The following PIAS4 variants were observed in gnomAD, a reference collection of about 807,000 sequenced individuals.
PIAS4 encodes protein inhibitor of activated STAT 4.
PIAS4 carries 7 observed loss-of-function variants against 58.0 expected under a neutral mutation model. The observed-to-expected ratio is 0.12, with a 90% CI of 0.07 to 0.23. The LOEUF (loss-of-function observed/expected upper bound fraction) is 0.23. Ranked by LOEUF, PIAS4 falls within the 10% of genes least tolerant of loss-of-function variation. The pLI is 1.00. For missense variants in PIAS4, 550 were observed against 709.5 expected (o/e 0.78, Z 2.55); for synonymous variants, 364 against 312.4 (o/e 1.17, Z -1.74).
At chr19:4,026,721 C>T (rs531407862) in intron 3 of PIAS4, among the ~76,000 whole-genome samples, 7 of 152,096 alleles carry the variant, frequency 4.6e-5, no homozygotes, top group Non-Finnish European at 1.0e-4. Flanking sequence ...CTCACTCTGT[C>T]GCCCAGGCTG....
intron 9 of PIAS4, among the ~76,000 whole-genome samples, chr19:4,036,572 T>C (rs1422319039): frequency 1.4e-5 from 2 of 138,944 alleles, no homozygotes; most frequent in Non-Finnish European, 3.0e-5. Flanking sequence ...CCGTCACACA[T>C]CCATACAGTC....
At chr19:4,011,634 G>A (rs899097711) in intron 1 of PIAS4, among the ~76,000 whole-genome samples, 1 of 151,904 alleles carries the variant, frequency 6.6e-6, no homozygotes, top group Non-Finnish European at 1.5e-5. Flanking sequence ...ACGTGTGGAG[G>A]TGTGTTTGGT....
chr19:4,037,950 G>A lies in PIAS4; in HGVS notation c.*75G>A. ...GGGCCAGCCTCGGGCGCAGAGGGAG[G>A]AGTGACCTTTCTTTTTCTTTTTATT... On this transcript the variant is annotated 3_prime_UTR_variant, in exon 11 of 11. Coordinates refer to ENST00000262971, the MANE Select transcript of PIAS4 (RefSeq NM_015897.4). The surrounding 1 kb of genome is among the most constrained non-coding windows in gnomAD (Gnocchi z 5.8). 1.4e-6 allele frequency: 2 copies of A among 1,429,588 alleles called. No individual in the cohort carries two copies. Among genetic ancestry groups the A allele is most frequent in the African/African-American group, 1.4e-5 (1 of 69,126 alleles). The allele number at this position is 1,429,588 out of a possible 1,614,324, so 88.6% of individuals were successfully genotyped here. A position where few individuals can be genotyped will look rare whatever the true frequency, so the allele number is the denominator to read the frequency against.
chr19:4,029,587 GA>G (rs745750933), intron 7 of PIAS4, among the ~76,000 whole-genome samples: 90 of 151,870 alleles, frequency 5.9e-4, no homozygotes, highest in South Asian at 2.1e-3. Flanking sequence ...GGGTCTCTGG[GA>G]GGTAGAGGTT....
intron 9 of PIAS4, 66 bp downstream of exon 9, chr19:4,033,646 G>C: frequency 8.3e-6 from 11 of 1,321,440 alleles, no homozygotes; most frequent in Non-Finnish European, 1.1e-5. Context: ...GTGGCACCCC[G>C]CTTCCTGCAG....
At chr19:4,028,622 G>A (rs755314108) in intron 5 of PIAS4, 22 bp downstream of exon 5, 39 of 1,611,246 alleles carry the variant, frequency 2.4e-5, no homozygotes, top group South Asian at 1.8e-4. Context: ...CCGCCCCCGC[G>A]TCGGCTGCAC....
intron 7 of PIAS4, among the ~76,000 whole-genome samples, chr19:4,029,563 T>A (rs2040202672): frequency 6.6e-6 from 1 of 151,860 alleles, no homozygotes; most frequent in Non-Finnish European, 1.5e-5. Context: ...TTTTCTTTTT[T>A]TTTTAGAGAG....
Position 4,028,856 on chromosome 19 carries a change from C to T in PIAS4, c.801+8C>T, listed in dbSNP as rs765842240. On this transcript the variant is annotated splice_region_variant and intron_variant, in intron 6 of 10. Coordinates refer to ENST00000262971, the MANE Select transcript of PIAS4 (RefSeq NM_015897.4). ...TGGGGGAACTACGGCAAGGTGAGTG[C>T]GTGCCCGGGTGCCCACCCTGCCCCC... 2.2e-5 allele frequency: 35 copies of T among 1,613,164 alleles called. No individual in the cohort carries two copies. Among genetic ancestry groups the T allele is most frequent in the Admixed American group, 6.7e-5 (4 of 59,994 alleles).
chr19:4,029,091 G>A (rs1414504288), intron 7 of PIAS4, 55 bp downstream of exon 7: 32 of 1,315,968 alleles, frequency 2.4e-5, no homozygotes, highest in Non-Finnish European at 3.1e-5. Context: ...CTGGAAACCC[G>A]CCCTGTGCTG....
rs1363158371 is a variant in PIAS4 at position 4,037,925 on chromosome 19, G to A, written c.*50G>A. On this transcript the variant is annotated 3_prime_UTR_variant, in exon 11 of 11. Transcript: ENST00000262971. The surrounding 1 kb of genome is among the most constrained non-coding windows in gnomAD (Gnocchi z 5.8). Reference sequence around the variant, plus strand: ...TGGTGCTCACCACGCAGAGGGGCACGGGCCAGCCTCGGGCGCAGAGGGAGG... The same window carrying A: ...TGGTGCTCACCACGCAGAGGGGCACAGGCCAGCCTCGGGCGCAGAGGGAGG... 8.5e-6 allele frequency: 13 copies of A among 1,534,254 alleles called. 1 individual carries two copies. Among genetic ancestry groups the A allele is most frequent in the South Asian group, 2.4e-5 (2 of 82,868 alleles).
intron 2 of PIAS4, among the ~76,000 whole-genome samples, chr19:4,017,261 C>T (rs1487045274): frequency 6.6e-6 from 1 of 152,110 alleles, no homozygotes; most frequent in African/African-American, 2.4e-5. Context: ...CAGCAGCCAC[C>T]CCCATGTCCC....
intron 1 of PIAS4, among the ~76,000 whole-genome samples, chr19:4,010,023 G>A (rs1268196465): frequency 2.6e-5 from 4 of 152,342 alleles, no homozygotes; most frequent in Non-Finnish European, 5.9e-5. Context: ...GCTGTGTCTC[G>A]GCTGATGTCT....
At chr19:4,032,262 G>T (rs1299524152) in intron 7 of PIAS4, among the ~76,000 whole-genome samples, 3 of 152,184 alleles carry the variant, frequency 2.0e-5, no homozygotes, top group African/African-American at 7.2e-5. Context: ...TGGGCAGGTG[G>T]CTTCCTGGAG....
intron 3 of PIAS4, among the ~76,000 whole-genome samples, 191 bp downstream of exon 3, chr19:4,024,311 G>C (rs555011574): frequency 3.9e-5 from 6 of 152,372 alleles, no homozygotes; most frequent in Non-Finnish European, 1.5e-5. Flanking sequence ...GTGCTGGCCT[G>C]TGTGCCCACT....
intron 7 of PIAS4, among the ~76,000 whole-genome samples, chr19:4,032,558 G>T (rs1419838511): frequency 1.3e-5 from 2 of 152,228 alleles, no homozygotes; most frequent in Non-Finnish European, 2.9e-5. Context: ...CCCATGTTCC[G>T]TGCAGCTTGC....
intron 2 of PIAS4, among the ~76,000 whole-genome samples, chr19:4,020,320 C>T (rs1010662263): frequency 4.6e-5 from 7 of 152,294 alleles, no homozygotes; most frequent in Middle Eastern, 3.4e-3. Context: ...GCAGGCCACA[C>T]CACTGTGTGC....
Position 4,037,991 on chromosome 19 carries a change from T to C in PIAS4, c.*116T>C, listed in dbSNP as rs1268187771. ...TCTTTTTATTGTCGTTCGTTTTGTT[T>C]TTCCACCCTTTTGCCTGGCTCCTGG... On this transcript the variant is annotated 3_prime_UTR_variant, in exon 11 of 11. Transcript: ENST00000262971. This position sits in a 1 kb window ranked among gnomAD's most constrained non-coding sequence, Gnocchi z 5.8. 3 of 1,151,608 alleles carry C rather than the reference T, an allele frequency of 2.6e-6. No homozygotes were observed. Among genetic ancestry groups the C allele is most frequent in the African/African-American group, 3.1e-5 (2 of 63,510 alleles). The allele number at this position is 1,151,608 out of a possible 1,614,324, so 71.3% of individuals were successfully genotyped here.
At chr19:4,031,279 T>G (rs900423685) in intron 7 of PIAS4, among the ~76,000 whole-genome samples, 11 of 152,054 alleles carry the variant, frequency 7.2e-5, no homozygotes, top group Admixed American at 6.5e-5. Flanking sequence ...TGTTGAAGCC[T>G]CCTGTGCACT....
Position 4,033,592 on chromosome 19 carries a change from G to GC in PIAS4, c.1142+16dup. Reference sequence around the variant, plus strand: ...CTCATCATCGACGGGTGAGCCCGGGGCCCCGGGGAGGGCGGCCGGAGCCGG... The same window carrying GC: ...CTCATCATCGACGGGTGAGCCCGGGGCCCCCGGGGAGGGCGGCCGGAGCCGG... On this transcript the variant is annotated intron_variant, in intron 9 of 10. Transcript: ENST00000262971. 1.3e-6 allele frequency: 2 copies of GC among 1,591,130 alleles called. No individual in the cohort carries two copies. The highest frequency in any genetic ancestry group is 1.7e-6 in the Non-Finnish European group (2 of 1,169,530).
Sources: allele counts gnomAD v4.1 joint callset (sites outside exome capture counted in the v4.1 genomes callset), GRCh38; gene constraint gnomAD v4.1.1; non-coding constraint Gnocchi (gnomAD v3.1); transcripts MANE v1.5; gene names NCBI Gene and HGNC (gene_info 2026-07-23, HGNC 2026-07-21).